Variants in CIPC observed in about 807,000 individuals in gnomAD.
The protein encoded by CIPC is CLOCK interacting pacemaker, also known as CLOCK-interacting pacemaker.
Under a neutral mutation model 26.7 loss-of-function variants are expected in CIPC, and 12 were observed. The ratio of observed to expected loss-of-function variants is 0.45; its 90% confidence interval spans 0.29 to 0.73. The LOEUF is 0.73. Ranked by LOEUF, CIPC falls within the 30% of genes least tolerant of loss-of-function variation. The pLI, the probability that CIPC is intolerant of heterozygous loss-of-function variation, is 0.12. For missense variants in CIPC, 417 were observed against 486.5 expected, an observed-to-expected ratio of 0.86 and a Z score of 1.34; for synonymous variants, 170 against 189.8, an observed-to-expected ratio of 0.90 and a Z score of 0.86.
intron 3 of CIPC, 145 bp from the exon 4 acceptor site, chr14:77,113,280 A>C: frequency 1.2e-6 from 1 of 831,478 alleles, no homozygotes. Flanking sequence ...ACACAAATAG[A>C]TGTTCAAACC....
chr14:77,101,169 G>GA (rs925282074), intron 1 of CIPC, among the ~76,000 whole-genome samples: 2 of 152,104 alleles, frequency 1.3e-5, no homozygotes, highest in Non-Finnish European at 2.9e-5. Context: ...TATCTAAGAG[G>GA]AAAAAAATCA....
chr14:77,106,140 G>A, intron 2 of CIPC: 1 of 209,646 alleles, frequency 4.8e-6, no homozygotes, highest in Non-Finnish European at 9.4e-6. Flanking sequence ...TAATTCTGTT[G>A]TTTTACTTCC....
chr14:77,110,118 T>C, intron 3 of CIPC, 137 bp downstream of exon 3: 1 of 781,106 alleles, frequency 1.3e-6, no homozygotes, highest in Non-Finnish European at 2.0e-6. Flanking sequence ...ATGTGTACTT[T>C]CTGTCCTGGG....
chr14:77,099,091 A>T (rs935180175), intron 1 of CIPC: 9 of 152,602 alleles, frequency 5.9e-5, no homozygotes, highest in African/African-American at 2.2e-4. Flanking sequence ...TGCCAGTCAC[A>T]GCACAGTACT....
In CIPC at chr14:77,115,537, T is replaced by C. The variant is rs1042341706; in HGVS notation, c.*1219T>C. ...GACCATGACCAGAGTTTCCAGATGA[T>C]ACACGTTCTTTTCAGCTTCATTAAA... On this transcript the variant is annotated 3_prime_UTR_variant, in exon 4 of 4. Coordinates refer to ENST00000361786, the MANE Select transcript of CIPC (RefSeq NM_033426.3). 1.3e-5 allele frequency: 2 copies of C among 152,244 alleles called. No homozygotes were observed. Among genetic ancestry groups the C allele is most frequent in the African/African-American group, 2.4e-5 (1 of 41,472 alleles). The allele number at this position is 152,244 out of a possible 1,614,324, so 9.4% of individuals were successfully genotyped here.
chr14:77,107,690 C>T (rs564654718), intron 2 of CIPC, among the ~76,000 whole-genome samples: 3 of 151,830 alleles, frequency 2.0e-5, no homozygotes, highest in Admixed American at 1.3e-4. Flanking sequence ...AAGTAAATTG[C>T]AAACACTTGA....
intron 1 of CIPC, among the ~76,000 whole-genome samples, chr14:77,103,252 T>G (rs754307743): frequency 6.6e-6 from 1 of 152,240 alleles, no homozygotes; most frequent in Non-Finnish European, 1.5e-5. Flanking sequence ...AGCAAGAGGG[T>G]TGCTTATAAG....
Position 77,114,524 on chromosome 14 carries a change from G to A in CIPC, c.*206G>A. 1.8e-6 allele frequency: 1 copy of A among 559,724 alleles called. No individual in the cohort carries two copies. The allele number at this position is 559,724 out of a possible 1,614,324, so 34.7% of individuals were successfully genotyped here. On this transcript the variant is annotated 3_prime_UTR_variant, in exon 4 of 4. Coordinates refer to ENST00000361786, the MANE Select transcript of CIPC (RefSeq NM_033426.3). ...ATACATATGTCCCCGTCCCACTGAG[G>A]ACCTCAGTTTGGGAGTGCCCTTGAG...
intron 1 of CIPC, chr14:77,099,866 A>G (rs1327281430): frequency 6.6e-6 from 1 of 152,224 alleles, no homozygotes; most frequent in Non-Finnish European, 1.5e-5. Context: ...GGGTAGATCA[A>G]ATATCTGTTT....
chr14:77,105,658 G>A lies in CIPC; in HGVS notation c.-51G>A, dbSNP rs1335716957. The A allele has an allele frequency of 3.1e-6, 5 of 1,589,080 alleles. No individual in the cohort carries two copies. The highest frequency in any genetic ancestry group is 4.3e-6 in the Non-Finnish European group (5 of 1,167,102). On this transcript the variant is annotated splice_region_variant and 5_prime_UTR_variant, in exon 2 of 4. Transcript: ENST00000361786. ...TTCTTATATAATTGTTTTTCATAGG[G>A]CAGTCCAGATGAAAAGAGTACCAAT...
chr14:77,102,469 A>G (rs779127734), intron 1 of CIPC, among the ~76,000 whole-genome samples: 47 of 152,348 alleles, frequency 3.1e-4, no homozygotes, highest in South Asian at 8.3e-4. Flanking sequence ...GTGTTTCAGT[A>G]TTTTGACTCC....
At chr14:77,109,083 C>G (rs1271450596) in intron 2 of CIPC, among the ~76,000 whole-genome samples, 1 of 152,130 alleles carries the variant, frequency 6.6e-6, no homozygotes, top group Non-Finnish European at 1.5e-5. Flanking sequence ...AAACCAAGAT[C>G]TGGGCACTCA....
intron 1 of CIPC, among the ~76,000 whole-genome samples, chr14:77,105,064 A>G (rs1167480840): frequency 6.6e-6 from 1 of 152,202 alleles, no homozygotes; most frequent in African/African-American, 2.4e-5. Flanking sequence ...TTTGCCCATA[A>G]AAGTGTTTTT....
rs964218840 is a variant in CIPC at position 77,105,864 on chromosome 14, T to C, written c.136+20T>C. 5 of 1,612,438 alleles carry C rather than the reference T, an allele frequency of 3.1e-6. No homozygotes were observed. The highest frequency in any genetic ancestry group is 4.2e-6 in the Non-Finnish European group (5 of 1,179,318). ...TTTCAGGTTAAAAATATCTTATCCT[T>C]CCTCTGTTTTGTGAGTGAATGCTTT... On this transcript the variant is annotated intron_variant, in intron 2 of 3. Transcript: ENST00000361786.
intron 3 of CIPC, among the ~76,000 whole-genome samples, chr14:77,110,712 A>G (rs1886681767): frequency 6.6e-6 from 1 of 152,264 alleles, no homozygotes; most frequent in East Asian, 1.9e-4. Flanking sequence ...GTCTGAGAAT[A>G]GAAAAGATTG....
At chr14:77,111,705 T>G (rs914710033) in intron 3 of CIPC, among the ~76,000 whole-genome samples, 1 of 152,236 alleles carries the variant, frequency 6.6e-6, no homozygotes, top group African/African-American at 2.4e-5. Context: ...ATAATACAAT[T>G]TGTAAAATCT....
chr14:77,104,869 C>G (rs1231167412), intron 1 of CIPC, among the ~76,000 whole-genome samples: 1 of 152,174 alleles, frequency 6.6e-6, no homozygotes, highest in African/African-American at 2.4e-5. Flanking sequence ...ATCCCCAGTC[C>G]TTGCACAATG....
At chr14:77,110,925 G>T (rs1433855760) in intron 3 of CIPC, among the ~76,000 whole-genome samples, 1 of 152,200 alleles carries the variant, frequency 6.6e-6, no homozygotes, top group Middle Eastern at 3.2e-3. Flanking sequence ...TTACCTAGTT[G>T]TATATGAGGA....
chr14:77,111,029 G>T (rs1886688535), intron 3 of CIPC, among the ~76,000 whole-genome samples: 1 of 152,210 alleles, frequency 6.6e-6, no homozygotes, highest in East Asian at 1.9e-4. Flanking sequence ...TGGAAGCATG[G>T]CTCTCCTTAT....
Sources: allele counts gnomAD v4.1 joint callset (sites outside exome capture counted in the v4.1 genomes callset), GRCh38; gene constraint gnomAD v4.1.1; transcripts MANE v1.5; gene names NCBI Gene and HGNC (gene_info 2026-07-23, HGNC 2026-07-21).